Variants in LRMDA observed in about 807,000 individuals in gnomAD.
The protein encoded by LRMDA is leucine-rich melanocyte differentiation-associated protein.
A neutral mutation model predicts 29.8 loss-of-function variants in LRMDA; 18 were observed. That is an observed-to-expected ratio of 0.60 (90% CI 0.42 to 0.90). LRMDA has a LOEUF of 0.90. Among genes scored for constraint, LRMDA ranks in the 40% least tolerant of loss-of-function variants. The pLI is 0.00. For missense variants in LRMDA, 273 were observed against 273.9 expected, an observed-to-expected ratio of 1.00 and a Z score of 0.02; for synonymous variants, 125 against 109.4, an observed-to-expected ratio of 1.14 and a Z score of -0.89.
intron 5 of LRMDA, among the ~76,000 whole-genome samples, chr10:76,091,276 CGT>C (rs56145957): frequency 0.04 from 5,912 of 146,644 alleles, 121 homozygotes; most frequent in African/African-American, 0.049. Flanking sequence ...ACATGGTGGA[CGT>C]GTGTGTGTGT....
At chr10:75,821,771 AAAACAAACAAAC>A (rs71024572) in intron 2 of LRMDA, among the ~76,000 whole-genome samples, 3 of 149,244 alleles carry the variant, frequency 2.0e-5, no homozygotes, top group Non-Finnish European at 1.5e-5. Flanking sequence ...TCCATCTCAA[AAAACAAACAAAC>A]AAACAAACAA....
chr10:76,099,645 T>C (rs901249882), intron 5 of LRMDA, among the ~76,000 whole-genome samples: 1 of 151,998 alleles, frequency 6.6e-6, no homozygotes, highest in Admixed American at 6.5e-5. Context: ...CTTTTACCTG[T>C]GTTCTTTAGA....
chr10:75,431,765 G>C lies in LRMDA; in HGVS notation c.30+11G>C. 1 of 1,362,320 alleles carries C rather than the reference G, an allele frequency of 7.3e-7. No individual in the cohort carries two copies. The allele number at this position is 1,362,320 out of a possible 1,614,324, so 84.4% of individuals were successfully genotyped here. A position where few individuals can be genotyped will look rare whatever the true frequency, so the allele number is the denominator to read the frequency against. ...GTGCGTGGAACTCAAGTAAGTCCCG[G>C]CCAGCCCCGCCTCCGCCCGGGGCGC... On this transcript the variant is annotated intron_variant, in intron 1 of 6. Transcript: ENST00000611255.
At chr10:75,738,850 C>T (rs1214643600) in intron 2 of LRMDA, among the ~76,000 whole-genome samples, 2 of 152,130 alleles carry the variant, frequency 1.3e-5, no homozygotes, top group African/African-American at 2.4e-5. Flanking sequence ...CAGTTTTTCT[C>T]GAGCTGGTCT....
At chr10:76,415,061 G>A (rs1306562329) in intron 6 of LRMDA, among the ~76,000 whole-genome samples, 2 of 152,224 alleles carry the variant, frequency 1.3e-5, no homozygotes, top group African/African-American at 4.8e-5. Context: ...CTTCCCTCTT[G>A]GGAGCCTGTC....
intron 2 of LRMDA, among the ~76,000 whole-genome samples, chr10:75,788,524 G>C (rs1181635570): frequency 1.3e-5 from 2 of 152,228 alleles, no homozygotes; most frequent in East Asian, 3.9e-4. Context: ...GCACTAGCCA[G>C]TCATGTGCTA....
chr10:76,378,858 C>CTTTTTTTTTTTTTTTTTT lies in LRMDA; in HGVS notation c.601+54389_601+54390insTTTTTTTTTTTTTTTTTT, dbSNP rs144037195. Among the ~76,000 whole-genome samples the CTTTTTTTTTTTTTTTTTT allele has an allele frequency of 2.9e-4, 34 of 118,940 alleles. 1 individual carries two copies. Among genetic ancestry groups the CTTTTTTTTTTTTTTTTTT allele is most frequent in the African/African-American group, 3.6e-4 (11 of 30,584 alleles). 78.0% of individuals were successfully genotyped at this position (118,940 alleles called of 152,430 possible). A position where few individuals can be genotyped will look rare whatever the true frequency, so the allele number is the denominator to read the frequency against. ...CTTTTCTCTCTTTTTCTTTTTTTTT[C>CTTTTTTTTTTTTTTTTTT]TTTTTTTTTTTTTTTTGAGACGATG... On this transcript the variant is annotated intron_variant, in intron 6 of 6. Transcript: ENST00000611255.
At chr10:76,263,248 C>T (rs1839965454) in intron 5 of LRMDA, among the ~76,000 whole-genome samples, 1 of 151,568 alleles carries the variant, frequency 6.6e-6, no homozygotes, top group Admixed American at 6.6e-5. Flanking sequence ...TAATCTGGGA[C>T]CACAAAAGGA....
intron 2 of LRMDA, among the ~76,000 whole-genome samples, chr10:75,588,754 G>T (rs1402440609): frequency 6.6e-6 from 1 of 151,940 alleles, no homozygotes; most frequent in East Asian, 1.9e-4. Flanking sequence ...ACCCCTAAAG[G>T]TAACTATTAC....
At position 76,221,018 on chromosome 10, in the gene LRMDA, A is replaced by C. The variant is rs1410896185; in HGVS notation, c.517-103383A>C. On this transcript the variant is annotated intron_variant, in intron 5 of 6. Coordinates refer to ENST00000611255, the MANE Select transcript of LRMDA (RefSeq NM_001305581.2). ...GCATATAAAAAGAACCAAAGACAAA[A>C]ACCACATGATTATCTCAATAGATGC... Among the ~76,000 whole-genome samples the C allele has an allele frequency of 1.3e-5, 2 of 152,176 alleles. 1 individual carries two copies. Among genetic ancestry groups the C allele is most frequent in the African/African-American group, 4.8e-5 (2 of 41,438 alleles).
chr10:75,470,684 T>A (rs1013051869), intron 2 of LRMDA, among the ~76,000 whole-genome samples: 5 of 152,146 alleles, frequency 3.3e-5, no homozygotes, highest in African/African-American at 2.4e-5. Context: ...AGCTCACTTC[T>A]CTGCAGGGCA....
At chr10:75,522,435 T>C (rs1203492160) in intron 2 of LRMDA, among the ~76,000 whole-genome samples, 2 of 152,330 alleles carry the variant, frequency 1.3e-5, no homozygotes, top group Admixed American at 1.3e-4. Flanking sequence ...GTGGTGGTAG[T>C]ATAGACGGAT....
intron 2 of LRMDA, among the ~76,000 whole-genome samples, chr10:75,639,930 G>T (rs1190583750): frequency 6.6e-6 from 1 of 152,180 alleles, no homozygotes; most frequent in African/African-American, 2.4e-5. Context: ...CAGCTGGGGT[G>T]GTTAATCCTT....
chr10:75,815,625 C>CT (rs1844045102), intron 2 of LRMDA, among the ~76,000 whole-genome samples: 2 of 152,136 alleles, frequency 1.3e-5, no homozygotes, highest in South Asian at 4.1e-4. Flanking sequence ...GTTGGAGACT[C>CT]TGTTAGTTTA....
chr10:75,859,630 CACACACACACACACACAT>C (rs1393669793), intron 2 of LRMDA, among the ~76,000 whole-genome samples: 28 of 150,134 alleles, frequency 1.9e-4, no homozygotes, highest in African/African-American at 6.2e-4. Flanking sequence ...CACACACACA[CACACACACACACACACAT>C]ACATCTGGCC....
chr10:75,653,987 G>A (rs567850017), intron 2 of LRMDA, among the ~76,000 whole-genome samples: 1 of 152,156 alleles, frequency 6.6e-6, no homozygotes, highest in Non-Finnish European at 1.5e-5. Flanking sequence ...CCCCGGGTTG[G>A]CCTCTATGTG....
intron 2 of LRMDA, among the ~76,000 whole-genome samples, chr10:75,560,913 A>G (rs1279166296): frequency 3.3e-5 from 5 of 151,814 alleles, no homozygotes; most frequent in African/African-American, 9.7e-5. Flanking sequence ...AAGCTTTTTG[A>G]TGTGCTGCTG....
intron 6 of LRMDA, among the ~76,000 whole-genome samples, chr10:76,330,695 T>G (rs1476108885): frequency 6.6e-6 from 1 of 152,160 alleles, no homozygotes; most frequent in Non-Finnish European, 1.5e-5. Flanking sequence ...TTCAAAGCAC[T>G]CAGCACGTCA....
intron 5 of LRMDA, among the ~76,000 whole-genome samples, chr10:76,110,730 G>A (rs796870130): frequency 6.6e-6 from 1 of 152,270 alleles, no homozygotes; most frequent in South Asian, 2.1e-4. Flanking sequence ...TGTAAGAAGT[G>A]CCCTTTGCCT....
Sources: allele counts gnomAD v4.1 joint callset (sites outside exome capture counted in the v4.1 genomes callset), GRCh38; gene constraint gnomAD v4.1.1; transcripts MANE v1.5; gene names NCBI Gene and HGNC (gene_info 2026-07-23, HGNC 2026-07-21).